CPEB3: variants seen among roughly 807,000 people sequenced by gnomAD.
The protein encoded by CPEB3 is cytoplasmic polyadenylation element-binding protein 3.
Under a neutral mutation model 67.2 loss-of-function variants are expected in CPEB3, and 20 were observed. That is an observed-to-expected ratio of 0.30 (90% CI 0.21 to 0.43). CPEB3 has a LOEUF of 0.43. Ranked by LOEUF, CPEB3 falls within the 20% of genes least tolerant of loss-of-function variation. The pLI, the probability that CPEB3 is intolerant of heterozygous loss-of-function variation, is 1.00. For missense variants in CPEB3, 746 were observed against 968.6 expected, an observed-to-expected ratio of 0.77 and a Z score of 3.05; for synonymous variants, 376 against 393.1, an observed-to-expected ratio of 0.96 and a Z score of 0.51.
chr10:92,237,241 A>G (rs538142782), intron 2 of CPEB3, among the ~76,000 whole-genome samples: 25 of 152,332 alleles, frequency 1.6e-4, no homozygotes, highest in Middle Eastern at 3.4e-3. Context: ...CCAAAACCCT[A>G]AGCTCTGTTT....
intron 7 of CPEB3, among the ~76,000 whole-genome samples, chr10:92,101,569 C>G (rs1844189715): frequency 6.6e-6 from 1 of 152,078 alleles, no homozygotes. Context: ...TTAAGCATCA[C>G]AGACTTCACA....
At chr10:92,084,275 T>A (rs1357536727) in intron 8 of CPEB3, among the ~76,000 whole-genome samples, 1 of 152,094 alleles carries the variant, frequency 6.6e-6, no homozygotes, top group African/African-American at 2.4e-5. Context: ...TTCCAAGGAT[T>A]AGATCGTGAC....
chr10:92,226,007 G>C (rs1236021756), intron 2 of CPEB3, among the ~76,000 whole-genome samples: 1 of 152,158 alleles, frequency 6.6e-6, no homozygotes, highest in African/African-American at 2.4e-5. Context: ...TGAGGCAGGA[G>C]AATTGCTTGA....
rs549723033 is a variant in CPEB3 at position 92,091,333 on chromosome 10, C to A, written c.1687+497G>T. On this transcript the variant is annotated intron_variant, in intron 8 of 9. Coordinates refer to ENST00000265997, the MANE Select transcript of CPEB3 (RefSeq NM_014912.5). ...TGGTTATTAGGAGGCTGATGTACAG[C>A]TGATTGGATTTGTCTTTGGATTTAA... 7.2e-5 allele frequency among the ~76,000 whole-genome samples: 11 copies of A among 152,192 alleles called. No individual in the cohort carries two copies. In the South Asian group the frequency reaches 2.3e-3, roughly 32 times the overall value.
intron 4 of CPEB3, among the ~76,000 whole-genome samples, chr10:92,177,508 T>G (rs139221893): frequency 0.015 from 2,220 of 152,302 alleles, 55 homozygotes; most frequent in African/African-American, 0.05. Context: ...TTCTTACTAT[T>G]AATAGATTCA....
chr10:92,153,369 T>G (rs1156397278), intron 4 of CPEB3, among the ~76,000 whole-genome samples: 2 of 152,244 alleles, frequency 1.3e-5, no homozygotes, highest in Admixed American at 1.3e-4. Context: ...ACTAAATATA[T>G]GCAGGAGTAC....
chr10:92,092,116 T>C (rs1052268258), intron 7 of CPEB3, among the ~76,000 whole-genome samples, 172 bp from the exon 8 acceptor site: 2 of 152,212 alleles, frequency 1.3e-5, no homozygotes. Flanking sequence ...AATAGAACTC[T>C]TGGGGAATCT....
intron 7 of CPEB3, among the ~76,000 whole-genome samples, chr10:92,097,016 G>C (rs1843912191): frequency 6.6e-6 from 1 of 152,168 alleles, no homozygotes; most frequent in African/African-American, 2.4e-5. Flanking sequence ...GCCATGCCAT[G>C]TCCTTATGGT....
At chr10:92,280,753 C>CTTTTTTT (rs948586177) in intron 1 of CPEB3, among the ~76,000 whole-genome samples, 4 of 91,660 alleles carry the variant, frequency 4.4e-5, no homozygotes, top group African/African-American at 1.0e-4. Context: ...AGCATCTATT[C>CTTTTTTT]TTTTTTTTTT....
intron 8 of CPEB3, among the ~76,000 whole-genome samples, chr10:92,087,824 G>C (rs1266583002): frequency 6.6e-6 from 1 of 152,182 alleles, no homozygotes; most frequent in African/African-American, 2.4e-5. Context: ...CGTGAATGAA[G>C]CAGAGTGGCA....
chr10:92,250,038 ATG>A (rs1241985441), intron 1 of CPEB3, among the ~76,000 whole-genome samples: 2 of 150,922 alleles, frequency 1.3e-5, no homozygotes, highest in East Asian at 3.9e-4. Flanking sequence ...ATATATATAT[ATG>A]TTATATAGCT....
Position 92,050,900 on chromosome 10 carries a change from A to G in CPEB3, c.*1312T>C, listed in dbSNP as rs1011066672. On this transcript the variant is annotated 3_prime_UTR_variant, in exon 10 of 10. Coordinates refer to ENST00000265997, the MANE Select transcript of CPEB3 (RefSeq NM_014912.5). Reference sequence around the variant, plus strand: ...ATGGTGCAAGCACTAAGAGATTGTAACTAAGAGCTCATGTGTTAGTTTATA... The same window carrying G: ...ATGGTGCAAGCACTAAGAGATTGTAGCTAAGAGCTCATGTGTTAGTTTATA... 1 of 152,686 alleles carries G rather than the reference A, an allele frequency of 6.5e-6. No individual in the cohort carries two copies. Among genetic ancestry groups the G allele is most frequent in the African/African-American group, 2.4e-5 (1 of 41,468 alleles). 9.5% of individuals were successfully genotyped at this position (152,686 alleles called of 1,614,324 possible). A position where few individuals can be genotyped will look rare whatever the true frequency, so the allele number is the denominator to read the frequency against.
intron 1 of CPEB3, among the ~76,000 whole-genome samples, chr10:92,252,177 A>G (rs1360890322): frequency 6.6e-6 from 1 of 152,182 alleles, no homozygotes; most frequent in Non-Finnish European, 1.5e-5. Flanking sequence ...CAAAAAGCAT[A>G]TGAAAAGGTG....
At chr10:92,224,591 G>A (rs940888625) in intron 2 of CPEB3, among the ~76,000 whole-genome samples, 1 of 151,996 alleles carries the variant, frequency 6.6e-6, no homozygotes, top group African/African-American at 2.4e-5. Flanking sequence ...AACCCTGGCT[G>A]AGCATGGTGT....
rs888295828 is a variant in CPEB3, at chr10:92,270,199, A to G, written c.-12+20727T>C. Among the ~76,000 whole-genome samples the G allele has an allele frequency of 3.3e-5, 5 of 152,240 alleles. No homozygotes were observed. In the East Asian group the frequency reaches 5.8e-4, roughly 18 times the overall value. On this transcript the variant is annotated intron_variant, in intron 1 of 9. Transcript: ENST00000265997. ...TTTCAAGTGAATAAGAGAGACTTCA[A>G]TCAATTCCATGATGAATAACTTCAC...
At chr10:92,234,964 G>C (rs1316572609) in intron 2 of CPEB3, among the ~76,000 whole-genome samples, 1 of 152,100 alleles carries the variant, frequency 6.6e-6, no homozygotes, top group Non-Finnish European at 1.5e-5. Flanking sequence ...AAGCAAGAAT[G>C]ACAATAGTCC....
At chr10:92,083,594 G>A (rs760985129) in intron 8 of CPEB3, among the ~76,000 whole-genome samples, 2 of 152,166 alleles carry the variant, frequency 1.3e-5, no homozygotes, top group African/African-American at 4.8e-5. Flanking sequence ...TCCCTTATTG[G>A]TTGAATGGGT....
intron 4 of CPEB3, among the ~76,000 whole-genome samples, chr10:92,175,906 A>G (rs1310078953): frequency 6.6e-6 from 1 of 152,194 alleles, no homozygotes; most frequent in Non-Finnish European, 1.5e-5. Flanking sequence ...CCTGGGCAAC[A>G]TGGCAAAACC....
At chr10:92,195,503 C>T (rs1056417435) in intron 2 of CPEB3, among the ~76,000 whole-genome samples, 4 of 151,990 alleles carry the variant, frequency 2.6e-5, no homozygotes, top group East Asian at 3.9e-4. Flanking sequence ...TATACTTTGT[C>T]CAAAGAAAAA....
Sources: gnomAD v4.1 joint callset for allele counts (sites outside exome capture counted in the v4.1 genomes callset) on GRCh38, gnomAD v4.1.1 for gene constraint, MANE v1.5 for transcripts, NCBI Gene and HGNC (gene_info 2026-07-23, HGNC 2026-07-21) for gene names.